The following NSUN7 variants were observed in gnomAD, a reference collection of about 807,000 sequenced individuals.
NSUN7 encodes protein NSUN7.
In NSUN7, 39 loss-of-function variants were observed where a neutral mutation model predicts 58.5. The observed-to-expected ratio is 0.67, with a 90% CI of 0.52 to 0.87. NSUN7 has a LOEUF of 0.87. Ranked by LOEUF, NSUN7 falls within the 40% of genes least tolerant of loss-of-function variation. The pLI is 0.00. For missense variants in NSUN7, 765 were observed against 844.1 expected (o/e 0.91, Z 1.16); for synonymous variants, 278 against 303.7 (o/e 0.92, Z 0.88).
chr4:40,760,411 C>G, intron 2 of NSUN7, 23 bp from the exon 3 acceptor site: 1 of 1,591,460 alleles, frequency 6.3e-7, no homozygotes, highest in African/African-American at 1.3e-5. Context: ...TTTTCAGTAA[C>G]AGGCCTTTCC....
rs1489452272 is a variant in NSUN7, at chr4:40,808,944, CTTGTG to C, written c.*8_*12del. 6.6e-7 allele frequency: 1 copy of C among 1,506,024 alleles called. No individual in the cohort carries two copies. The highest frequency in any genetic ancestry group is 1.2e-5 in the South Asian group (1 of 80,732). The allele number at this position is 1,506,024 out of a possible 1,614,324, so 93.3% of individuals were successfully genotyped here. A position where few individuals can be genotyped will look rare whatever the true frequency, so the allele number is the denominator to read the frequency against. ...CCTCCTCGGCGATGGCTTTGATTGT[CTTGTG>C]TTTTTTATAGGGGCCAAAGAGCAGT... is the stretch of plus-strand genomic sequence containing the variant. On this transcript the variant is annotated 3_prime_UTR_variant, in exon 12 of 12. Transcript: ENST00000381782.
intron 10 of NSUN7, among the ~76,000 whole-genome samples, chr4:40,803,060 G>A (rs1743659553): frequency 6.6e-6 from 1 of 150,616 alleles, no homozygotes; most frequent in Non-Finnish European, 1.5e-5. Flanking sequence ...CCTTGTGATA[G>A]TTTACTGAGA....
At chr4:40,779,623 A>C (rs1315724042) in intron 7 of NSUN7, among the ~76,000 whole-genome samples, 2 of 152,182 alleles carry the variant, frequency 1.3e-5, no homozygotes, top group Non-Finnish European at 1.5e-5. Context: ...TCTGTCTCTA[A>C]AAAAGTGGAG....
intron 7 of NSUN7, among the ~76,000 whole-genome samples, chr4:40,785,539 T>G (rs1184051909): frequency 6.6e-6 from 1 of 151,948 alleles, no homozygotes; most frequent in Non-Finnish European, 1.5e-5. Flanking sequence ...TTTAGTATTT[T>G]TAGTAGAGAT....
Position 40,808,571 on chromosome 4 carries a change from G to A in NSUN7, c.1789G>A (p.Val597Met), listed in dbSNP as rs1743985262. The change falls in exon 12 of 12, where the codon GTG (valine) becomes ATG (methionine). Residue 597 changes from valine to methionine, a missense_variant. Physicochemically the swap from Val to Met is conservative, Grantham distance 21 (BLOSUM62 1). Transcript: ENST00000381782. ...TCTTCCCCAGAAAAATACTGCTCAA[G>A]TGGGGGCTTCCTCACAGACCAGAAA... ...PPLPQKNTAQVGASSQTRKPN... is the reference protein window; with the variant it reads ...PPLPQKNTAQMGASSQTRKPN... The A allele has an allele frequency of 1.3e-6, 2 of 1,551,702 alleles. No individual in the cohort carries two copies. The highest frequency in any genetic ancestry group is 4.9e-5 in the East Asian group (2 of 40,926).
At chr4:40,778,371 C>A (rs564955628) in intron 7 of NSUN7, among the ~76,000 whole-genome samples, 10 of 152,334 alleles carry the variant, frequency 6.6e-5, no homozygotes, top group Non-Finnish European at 1.3e-4. Flanking sequence ...ATCCTATGGC[C>A]TGAATATTTG....
At chr4:40,801,771 G>A (rs1405761818) in intron 10 of NSUN7, among the ~76,000 whole-genome samples, 1 of 151,612 alleles carries the variant, frequency 6.6e-6, no homozygotes, top group East Asian at 1.9e-4. Flanking sequence ...TGGTGGTGGT[G>A]TACTCCTGTA....
rs1023511075 is a variant in NSUN7, at chr4:40,761,451, C to T, written c.488+150C>T. On this transcript the variant is annotated intron_variant, in intron 4 of 11. Coordinates refer to ENST00000381782, the MANE Select transcript of NSUN7 (RefSeq NM_024677.6). ...TAAAATTCTTGAATTTCTTTACAAA[C>T]AGTCTTGAACAGGTTAAGAATTTTG... is the stretch of plus-strand genomic sequence containing the variant. The T allele has an allele frequency of 3.3e-5, 20 of 612,680 alleles. No homozygotes were observed. The Admixed American group carries it at 4.5e-4, about 14-fold the overall frequency. The allele number at this position is 612,680 out of a possible 1,614,324, so 38.0% of individuals were successfully genotyped here. A position where few individuals can be genotyped will look rare whatever the true frequency, so the allele number is the denominator to read the frequency against.
intron 10 of NSUN7, among the ~76,000 whole-genome samples, chr4:40,800,901 G>T (rs1393659079): frequency 2.0e-5 from 3 of 152,156 alleles, no homozygotes; most frequent in Admixed American, 1.3e-4. Flanking sequence ...GTCAGAAAAG[G>T]TCTGACTTTA....
At chr4:40,759,107 C>A (rs1431933757) in intron 2 of NSUN7, among the ~76,000 whole-genome samples, 1 of 152,020 alleles carries the variant, frequency 6.6e-6, no homozygotes, top group Non-Finnish European at 1.5e-5. Flanking sequence ...GTCAGGAGTT[C>A]GAGACCAGCC....
chr4:40,779,287 A>G (rs1033072679), intron 7 of NSUN7, among the ~76,000 whole-genome samples: 1 of 152,166 alleles, frequency 6.6e-6, no homozygotes, highest in Non-Finnish European at 1.5e-5. Context: ...GTGCCACTGC[A>G]TTCCAACCTG....
chr4:40,786,247 G>A (rs1742816425), intron 7 of NSUN7: 1 of 1,613,812 alleles, frequency 6.2e-7, no homozygotes, highest in Non-Finnish European at 8.5e-7. Context: ...CAATGAATTT[G>A]TAAATACCGT....
chr4:40,750,966 T>C lies in NSUN7; in HGVS notation c.273T>C (p.Tyr91=), dbSNP rs1263742667. 4.3e-6 allele frequency: 7 copies of C among 1,614,020 alleles called. No homozygotes were observed. In the Middle Eastern group the frequency reaches 4.9e-4, roughly 114 times the overall value. The change falls in exon 2 of 12, where the codon TAT becomes TAC. Residue 91 remains tyrosine, a synonymous_variant. Transcript: ENST00000381782. Reference sequence around the variant, plus strand: ...ATCAGTCCTTTCAGCGTTTGTCTTATGAGCTGGCTTTCAGTGCCCTGAAAT... The same window carrying C: ...ATCAGTCCTTTCAGCGTTTGTCTTACGAGCTGGCTTTCAGTGCCCTGAAAT... ...SEDQSFQRLS[Y]ELAFSALKYQ... is the part of the protein sequence containing the mutation.
chr4:40,755,781 A>G (rs1025978094), intron 2 of NSUN7, among the ~76,000 whole-genome samples: 2 of 152,232 alleles, frequency 1.3e-5, no homozygotes, highest in Admixed American at 6.5e-5. Flanking sequence ...GTGAAAGGAC[A>G]GATTAAAATC....
intron 2 of NSUN7, among the ~76,000 whole-genome samples, chr4:40,753,926 A>G (rs1740972724): frequency 1.3e-5 from 2 of 152,084 alleles, no homozygotes; most frequent in Admixed American, 1.3e-4. Context: ...ACCTTCCGCC[A>G]TGATTGTGAG....
rs1741504162 is a variant in NSUN7 at position 40,762,408 on chromosome 4, T to G, written c.488+1107T>G. Among the ~76,000 whole-genome samples the G allele has an allele frequency of 2.0e-5, 3 of 152,330 alleles. No homozygotes were observed. In the South Asian group the frequency reaches 6.2e-4, roughly 32 times the overall value. On this transcript the variant is annotated intron_variant, in intron 4 of 11. Transcript: ENST00000381782. ...TTACTGTCAACAATTGTCACTGTGA[T>G]GTCTAATTTTTATAGGAAATTTAAG...
At chr4:40,766,629 A>G (rs1421731642) in intron 4 of NSUN7, among the ~76,000 whole-genome samples, 18 of 152,096 alleles carry the variant, frequency 1.2e-4, no homozygotes, top group African/African-American at 3.4e-4. Flanking sequence ...CTCTTTTTCT[A>G]TTGTTTGGAA....
intron 4 of NSUN7, among the ~76,000 whole-genome samples, chr4:40,764,521 A>C (rs1314857660): frequency 6.6e-6 from 1 of 152,086 alleles, no homozygotes; most frequent in Admixed American, 6.6e-5. Context: ...GCTATTGTGA[A>C]TAGTGCTGCA....
At chr4:40,788,406 G>A (rs550487663) in intron 7 of NSUN7, among the ~76,000 whole-genome samples, 1 of 152,292 alleles carries the variant, frequency 6.6e-6, no homozygotes, top group Non-Finnish European at 1.5e-5. Context: ...CTAGAGGTCA[G>A]GAAGCTGAAT....
Sources: gnomAD v4.1 joint callset for allele counts (sites outside exome capture counted in the v4.1 genomes callset) on GRCh38, gnomAD v4.1.1 for gene constraint, MANE v1.5 for transcripts, NCBI Gene and HGNC (gene_info 2026-07-23, HGNC 2026-07-21) for gene names.